NAV2: variants seen among roughly 807,000 people sequenced by gnomAD.
NAV2 encodes neuron navigator 2, also known as helicase, APC down-regulated 1.
A neutral mutation model predicts 223.2 loss-of-function variants in NAV2; 54 were observed. That is an observed-to-expected ratio of 0.24 (90% CI 0.19 to 0.30). NAV2 has a LOEUF of 0.30. Among genes scored for constraint, NAV2 ranks in the 10% least tolerant of loss-of-function variants. NAV2 has a pLI of 1.00. For synonymous variants in NAV2, 1,279 were observed against 1,239.3 expected, an observed-to-expected ratio of 1.03 and a Z score of -0.67; for missense variants, 2,806 against 3,147.5, an observed-to-expected ratio of 0.89 and a Z score of 2.60.
chr11:20,091,843 C>T (rs937298599), intron 27 of NAV2, among the ~76,000 whole-genome samples: 2 of 152,108 alleles, frequency 1.3e-5, no homozygotes, highest in African/African-American at 4.8e-5. Flanking sequence ...CAATTCATGG[C>T]GTAGAGGAGC....
chr11:19,739,640 T>G (rs1193444045), intron 1 of NAV2, among the ~76,000 whole-genome samples: 1 of 152,204 alleles, frequency 6.6e-6, no homozygotes, highest in Non-Finnish European at 1.5e-5. Context: ...GTGTTCTCTG[T>G]TAGCCACAGT....
Position 19,880,509 on chromosome 11 carries a change from T to C in NAV2, c.770+382T>C, listed in dbSNP as rs540166248. 3.9e-5 allele frequency among the ~76,000 whole-genome samples: 6 copies of C among 152,210 alleles called. No individual in the cohort carries two copies. The South Asian group carries it at 1.2e-3, about 32-fold the overall frequency. ...TGAGAGTAGTTTTACTTAGTGGAGG[T>C]AAAAGTTCTATTCCTGTGGATGCCT... On this transcript the variant is annotated intron_variant, in intron 5 of 37. Coordinates refer to ENST00000349880, the MANE Select transcript of NAV2 (RefSeq NM_145117.5).
chr11:19,652,211 G>T (rs1390666811), intron 1 of NAV2, among the ~76,000 whole-genome samples: 1 of 152,204 alleles, frequency 6.6e-6, no homozygotes, highest in African/African-American at 2.4e-5. Context: ...AGGGTCAGGG[G>T]CTTTGAGGAG....
At chr11:19,823,854 C>T (rs1165698492) in intron 1 of NAV2, among the ~76,000 whole-genome samples, 3 of 152,032 alleles carry the variant, frequency 2.0e-5, no homozygotes, top group African/African-American at 4.8e-5. Context: ...CACCATGGCA[C>T]ATGTATACCT....
At chr11:19,953,329 G>A (rs185600138) in intron 10 of NAV2, among the ~76,000 whole-genome samples, 74 of 152,254 alleles carry the variant, frequency 4.9e-4, no homozygotes, top group African/African-American at 1.7e-3. Flanking sequence ...GCTCTTCATG[G>A]CCTTTGCCTC....
At chr11:19,617,813 T>C (rs2046844458) in intron 1 of NAV2, among the ~76,000 whole-genome samples, 1 of 152,162 alleles carries the variant, frequency 6.6e-6, no homozygotes, top group Non-Finnish European at 1.5e-5. Flanking sequence ...GCTAAGTCCC[T>C]ACACAATCTG....
chr11:19,405,873 T>A (rs1849872790), intron 1 of NAV2, among the ~76,000 whole-genome samples: 1 of 152,188 alleles, frequency 6.6e-6, no homozygotes, highest in African/African-American at 2.4e-5. Flanking sequence ...AAGAGCCCTG[T>A]AAAAATGCCA....
chr11:19,606,988 A>G (rs779085521), intron 1 of NAV2, among the ~76,000 whole-genome samples: 1 of 152,170 alleles, frequency 6.6e-6, no homozygotes, highest in Non-Finnish European at 1.5e-5. Flanking sequence ...GCATTGCTCC[A>G]GCTGGCATGC....
intron 13 of NAV2, 72 bp downstream of exon 13, chr11:20,044,344 G>A (rs922135133): frequency 7.5e-7 from 1 of 1,336,440 alleles, no homozygotes; most frequent in Non-Finnish European, 1.0e-6. Flanking sequence ...ACTCTAGCAA[G>A]GACTTGACAT....
At chr11:19,421,329 G>A (rs116885948) in intron 1 of NAV2, among the ~76,000 whole-genome samples, 14 of 152,272 alleles carry the variant, frequency 9.2e-5, no homozygotes, top group South Asian at 2.1e-4. Context: ...ACCAGAGTGC[G>A]CAGCTGGAAG....
intron 1 of NAV2, among the ~76,000 whole-genome samples, chr11:19,753,630 C>T (rs1027245405): frequency 4.6e-5 from 7 of 152,218 alleles, no homozygotes; most frequent in South Asian, 2.1e-4. Context: ...ACGAGGACCT[C>T]CTTGAGAACA....
At chr11:19,676,310 G>A (rs1048532254) in intron 1 of NAV2, among the ~76,000 whole-genome samples, 1 of 152,150 alleles carries the variant, frequency 6.6e-6, no homozygotes, top group African/African-American at 2.4e-5. Context: ...CCACCTTCCA[G>A]CTGTGTGTCT....
chr11:19,390,212 A>T (rs1849194229), intron 1 of NAV2, among the ~76,000 whole-genome samples: 1 of 151,836 alleles, frequency 6.6e-6, no homozygotes, highest in Non-Finnish European at 1.5e-5. Flanking sequence ...TGCTGTGATG[A>T]TTCTGTTCTG....
chr11:20,026,697 G>C (rs908076118), intron 11 of NAV2, among the ~76,000 whole-genome samples: 4 of 152,124 alleles, frequency 2.6e-5, no homozygotes, highest in Non-Finnish European at 5.9e-5. Flanking sequence ...AACACATGAC[G>C]AGCGTTCATT....
chr11:19,694,784 G>C (rs539894547), intron 1 of NAV2, among the ~76,000 whole-genome samples: 2 of 152,160 alleles, frequency 1.3e-5, no homozygotes, highest in African/African-American at 2.4e-5. Context: ...GCTATTGCTC[G>C]TCTAAGTCCA....
intron 1 of NAV2, among the ~76,000 whole-genome samples, chr11:19,442,748 G>A (rs946225563): frequency 1.3e-5 from 2 of 152,156 alleles, no homozygotes; most frequent in Non-Finnish European, 2.9e-5. Context: ...TGGCTGCCTT[G>A]GCCCTAGAGT....
intron 1 of NAV2, among the ~76,000 whole-genome samples, chr11:19,509,636 G>A (rs1215936923): frequency 6.6e-6 from 1 of 152,222 alleles, no homozygotes; most frequent in African/African-American, 2.4e-5. Flanking sequence ...AAATGATAAT[G>A]CAATCAGCAG....
intron 1 of NAV2, among the ~76,000 whole-genome samples, chr11:19,401,405 T>C (rs1190166231): frequency 6.6e-6 from 1 of 152,208 alleles, no homozygotes; most frequent in Non-Finnish European, 1.5e-5. Context: ...GATAGGTAAA[T>C]AAATAACTTA....
intron 6 of NAV2, among the ~76,000 whole-genome samples, chr11:19,907,507 TC>T (rs2042963049): frequency 7.4e-6 from 1 of 134,890 alleles, no homozygotes; most frequent in Non-Finnish European, 1.6e-5. Flanking sequence ...TTCTTGAAAT[TC>T]CCCCACTGCC....
Sources: gnomAD v4.1 joint callset for allele counts (sites outside exome capture counted in the v4.1 genomes callset) on GRCh38, gnomAD v4.1.1 for gene constraint, MANE v1.5 for transcripts, NCBI Gene and HGNC (gene_info 2026-07-23, HGNC 2026-07-21) for gene names.